The following HBP1 variants were observed in gnomAD, a reference collection of about 807,000 sequenced individuals.
The protein encoded by HBP1 is HMG box-containing protein 1.
In HBP1, 20 loss-of-function variants were observed where a neutral mutation model predicts 62.6. The observed-to-expected ratio is 0.32, with a 90% confidence interval of 0.22 to 0.46. The LOEUF (loss-of-function observed/expected upper bound fraction) is 0.46, where lower values mean the gene tolerates loss of function less well. Ranked by LOEUF, HBP1 falls within the 20% of genes least tolerant of loss-of-function variation. The pLI is 1.00. For synonymous variants in HBP1, 232 were observed against 206.2 expected, an observed-to-expected ratio of 1.12 and a Z score of -1.07; for missense variants, 480 against 611.8, an observed-to-expected ratio of 0.78 and a Z score of 2.27.
At chr7:107,196,543 C>T (rs1317924368) in intron 9 of HBP1, 13 of 289,648 alleles carry the variant, frequency 4.5e-5, no homozygotes, top group Admixed American at 5.0e-5. Flanking sequence ...GCCGTGATTA[C>T]AGGCGTGAGC....
chr7:107,177,288 C>T (rs55670410), intron 1 of HBP1, among the ~76,000 whole-genome samples: 2 of 152,328 alleles, frequency 1.3e-5, no homozygotes, highest in Non-Finnish European at 2.9e-5. Context: ...GGAATCAAAA[C>T]CCGTTTCCTT....
At chr7:107,176,513 C>T (rs1478759735) in intron 1 of HBP1, among the ~76,000 whole-genome samples, 1 of 152,082 alleles carries the variant, frequency 6.6e-6, no homozygotes, top group Non-Finnish European at 1.5e-5. Flanking sequence ...AGGAATTTAG[C>T]AACCATTTTT....
At chr7:107,198,863 T>C (rs1798057288) in intron 9 of HBP1, among the ~76,000 whole-genome samples, 1 of 152,368 alleles carries the variant, frequency 6.6e-6, no homozygotes, top group Admixed American at 6.5e-5. Context: ...CAGCATTGTG[T>C]ACATTTCATT....
chr7:107,182,551 T>C lies in HBP1; in HGVS notation c.348T>C (p.Asn116=), dbSNP rs752854798. ...NEVDWLTELA[N]IATSPQSPLM... is the part of the protein sequence containing the mutation. ...TGGACTGGCTAACAGAATTGGCAAA[T>C]ATCGCGACCAGTCCACAAAGTCCAC... The change falls in exon 3 of 11, where the codon AAT becomes AAC. Residue 116 remains asparagine (N), a synonymous_variant. Transcript: ENST00000222574. 1 of 1,613,320 alleles carries C rather than the reference T, an allele frequency of 6.2e-7. No homozygotes were observed. Among genetic ancestry groups the C allele is most frequent in the South Asian group, 1.1e-5 (1 of 91,026 alleles).
intron 2 of HBP1, among the ~76,000 whole-genome samples, chr7:107,181,378 G>A (rs1278498107): frequency 1.3e-5 from 2 of 152,022 alleles, no homozygotes; most frequent in Non-Finnish European, 1.5e-5. Flanking sequence ...AGGCAGAGGC[G>A]TGAGGATCAT....
chr7:107,175,511 C>G (rs2115800738), intron 1 of HBP1, among the ~76,000 whole-genome samples: 1 of 152,204 alleles, frequency 6.6e-6, no homozygotes, highest in South Asian at 2.1e-4. Context: ...TTTTCCTAAA[C>G]TACAATTGAA....
chr7:107,178,193 GA>G (rs1164744515), intron 1 of HBP1, among the ~76,000 whole-genome samples: 4 of 152,086 alleles, frequency 2.6e-5, no homozygotes, highest in East Asian at 1.9e-4. Flanking sequence ...TTTTCTTTAA[GA>G]GGGGGGGTCT....
chr7:107,186,225 CATT>C (rs1040295273), intron 4 of HBP1, 133 bp from the exon 5 acceptor site: 7 of 503,408 alleles, frequency 1.4e-5, no homozygotes, highest in African/African-American at 1.2e-4. Context: ...TTTTTGAAGG[CATT>C]ATATTTTCCC....
chr7:107,185,713 G>T, intron 3 of HBP1, 88 bp from the exon 4 acceptor site: 1 of 965,374 alleles, frequency 1.0e-6, no homozygotes, highest in Non-Finnish European at 1.6e-6. Flanking sequence ...TAATAACATT[G>T]GCGTTTTAAA....
Position 107,189,336 on chromosome 7 carries a change from T to C in HBP1, c.810T>C (p.Ser270=), listed in dbSNP as rs765338746. Residue 270 remains serine, a synonymous_variant, in exon 7 of 11, where the codon AGT becomes AGC. Coordinates refer to ENST00000222574, the MANE Select transcript of HBP1 (RefSeq NM_012257.4). ...DGLKLLSHEE[S]VSFGESVLKL... ...TAAAGTTGTTATCACATGAAGAAAG[T>C]GTATCATTTGGCGAGTCTGTACTGA... The C allele has an allele frequency of 6.2e-7, 1 of 1,613,066 alleles. No individual in the cohort carries two copies. The highest frequency in any genetic ancestry group is 1.1e-5 in the South Asian group (1 of 91,060).
chr7:107,195,738 A>G, intron 8 of HBP1, 96 bp from the exon 9 acceptor site: 1 of 610,556 alleles, frequency 1.6e-6, no homozygotes, highest in Non-Finnish European at 2.5e-6. Flanking sequence ...GAAATTTCCA[A>G]TCAGATGTTT....
At chr7:107,189,205 T>C in intron 6 of HBP1, 87 bp from the exon 7 acceptor site, 1 of 1,142,950 alleles carries the variant, frequency 8.7e-7, no homozygotes, top group South Asian at 1.6e-5. Flanking sequence ...TTTTTACCTT[T>C]TCCACAAAGT....
intron 3 of HBP1, 21 bp from the exon 4 acceptor site, chr7:107,185,780 G>C: frequency 6.2e-7 from 1 of 1,605,134 alleles, no homozygotes; most frequent in South Asian, 1.1e-5. Context: ...GCTTATGGTT[G>C]AAACTGTTGC....
intron 9 of HBP1, among the ~76,000 whole-genome samples, chr7:107,199,098 ATTTT>A (rs534597180): frequency 1.5e-3 from 234 of 151,976 alleles, no homozygotes; most frequent in Middle Eastern, 3.4e-3. Context: ...TTTATTATTT[ATTTT>A]TGAGACAGAG....
intron 1 of HBP1, among the ~76,000 whole-genome samples, chr7:107,171,073 A>ATATATATATATATTTTTTTTTTTTT: frequency 1.1e-5 from 1 of 87,194 alleles, no homozygotes; most frequent in African/African-American, 6.6e-5. Flanking sequence ...ATATATATAT[A>ATATATATATATATTTTTTTTTTTTT]TTTTTTTTTT....
chr7:107,191,741 C>T (rs1797661976), intron 8 of HBP1, among the ~76,000 whole-genome samples: 1 of 152,066 alleles, frequency 6.6e-6, no homozygotes, highest in Non-Finnish European at 1.5e-5. Flanking sequence ...TGGAAATATA[C>T]AGTATGAGTC....
intron 6 of HBP1, 54 bp from the exon 7 acceptor site, chr7:107,189,238 C>CA (rs1344375799): frequency 6.9e-7 from 1 of 1,442,540 alleles, no homozygotes; most frequent in Non-Finnish European, 9.6e-7. Context: ...GGGAACTTCA[C>CA]AGTGTTTTGA....
At chr7:107,173,501 C>G (rs1356391424) in intron 1 of HBP1, 1 of 152,178 alleles carries the variant, frequency 6.6e-6, no homozygotes, top group Non-Finnish European at 1.5e-5. Flanking sequence ...TCATCATAGT[C>G]CTGTTTTCCT....
chr7:107,179,029 G>A (rs868092008), intron 1 of HBP1, among the ~76,000 whole-genome samples: 5 of 151,140 alleles, frequency 3.3e-5, no homozygotes, highest in Admixed American at 1.3e-4. Flanking sequence ...GCGAGACTCC[G>A]TCTCAAAAAA....
Sources: allele counts gnomAD v4.1 joint callset (sites outside exome capture counted in the v4.1 genomes callset), GRCh38; gene constraint gnomAD v4.1.1; transcripts MANE v1.5; gene names NCBI Gene and HGNC (gene_info 2026-07-23, HGNC 2026-07-21).